Variants in DOCK9 observed in about 807,000 individuals in gnomAD.
The protein encoded by DOCK9 is dedicator of cytokinesis protein 9.
Under a neutral mutation model 263.3 loss-of-function variants are expected in DOCK9, and 89 were observed. That is an observed-to-expected ratio of 0.34 (90% CI 0.28 to 0.40). The LOEUF (loss-of-function observed/expected upper bound fraction) is 0.40. DOCK9 is among the 10% of genes least tolerant of loss of function. The probability of loss-of-function intolerance (pLI) is 1.00; values close to 1 mark genes in which losing one functional copy is unlikely to be tolerated. For synonymous variants in DOCK9, 976 were observed against 973.1 expected, an observed-to-expected ratio of 1.00 and a Z score of -0.06; for missense variants, 2,140 against 2,603.4, an observed-to-expected ratio of 0.82 and a Z score of 3.87.
chr13:98,974,802 A>AAAAAGAAAT (rs1229016122), intron 1 of DOCK9, among the ~76,000 whole-genome samples: 1 of 151,826 alleles, frequency 6.6e-6, no homozygotes. Context: ...AAAAAGAAAG[A>AAAAAGAAAT]AAAAGAAATA....
At chr13:99,007,977 T>C (rs994996336) in intron 1 of DOCK9, among the ~76,000 whole-genome samples, 1 of 152,118 alleles carries the variant, frequency 6.6e-6, no homozygotes, top group East Asian at 1.9e-4. Context: ...ACTCCAGATC[T>C]GGAAATCTGC....
chr13:98,954,177 C>T (rs796731900), intron 2 of DOCK9, among the ~76,000 whole-genome samples: 6 of 152,158 alleles, frequency 3.9e-5, no homozygotes, highest in African/African-American at 1.4e-4. Flanking sequence ...CAATATTTCC[C>T]TCTCATTTAT....
In DOCK9 at chr13:99,023,669, G is replaced by T. The variant is rs561395222; in HGVS notation, c.129+62554C>A. 1.6e-4 allele frequency among the ~76,000 whole-genome samples: 25 copies of T among 152,244 alleles called. 1 individual carries two copies. The South Asian group carries it at 4.8e-3, about 29-fold the overall frequency. On this transcript the variant is annotated intron_variant, in intron 1 of 32. Transcript: ENST00000427887. ...TATCTTTCCATATTTTTTAAAAATA[G>T]AAAACCAACTTGTTGGGCATTGTTT... is the stretch of plus-strand genomic sequence containing the variant.
rs532708724 is a variant in DOCK9 at position 98,859,462 on chromosome 13, C to T, written c.3697+943G>A. 4.6e-5 allele frequency: 7 copies of T among 151,934 alleles called. No individual in the cohort carries two copies. The East Asian group carries it at 1.4e-3, about 29-fold the overall frequency. The allele number at this position is 151,934 out of a possible 1,614,324, so 9.4% of individuals were successfully genotyped here. On this transcript the variant is annotated intron_variant, in intron 33 of 52. Coordinates refer to ENST00000682017, the MANE Select transcript of DOCK9 (RefSeq NM_001366683.2). ...TGGGGTTTCTCATGTTAAATTCTAC[C>T]CAGTTTCATCCCCTACATGAAATGG...
intron 2 of DOCK9, chr13:98,950,068 AGGCTCTTT>A (rs1170932624): frequency 2.4e-5 from 11 of 461,676 alleles, no homozygotes; most frequent in Non-Finnish European, 4.5e-5. Flanking sequence ...GCAACATTTT[AGGCTCTTT>A]GGGGTGACTT....
At chr13:98,968,318 C>G (rs2059398169) in intron 1 of DOCK9, among the ~76,000 whole-genome samples, 1 of 151,880 alleles carries the variant, frequency 6.6e-6, no homozygotes, top group Admixed American at 6.6e-5. Flanking sequence ...TTTAACTTGG[C>G]TACTAGAAAA....
chr13:98,995,466 G>C (rs1046152968), intron 1 of DOCK9, among the ~76,000 whole-genome samples: 3 of 149,200 alleles, frequency 2.0e-5, no homozygotes, highest in African/African-American at 7.4e-5. Context: ...GGTTAAATAA[G>C]CCTCCTTTGA....
intron 2 of DOCK9, among the ~76,000 whole-genome samples, 161 bp downstream of exon 2, chr13:98,955,274 G>C (rs1476670678): frequency 1.3e-5 from 2 of 151,932 alleles, no homozygotes; most frequent in African/African-American, 4.8e-5. Context: ...AGCCAAGATG[G>C]CACCACTGCA....
intron 2 of DOCK9, among the ~76,000 whole-genome samples, chr13:98,945,481 C>A (rs1300576346): frequency 1.3e-5 from 2 of 152,104 alleles, no homozygotes; most frequent in African/African-American, 4.8e-5. Flanking sequence ...CTCTTTCCTC[C>A]TCTGGGCCCT....
Position 98,797,270 on chromosome 13 carries a change from G to A in DOCK9, c.6018-17C>T, listed in dbSNP as rs561506492. ...ACAAATTGCCTGGAATGGTACAGGC[G>A]GGAGAAACAAAGGCACGCAGAGGAT... On this transcript the variant is annotated splice_polypyrimidine_tract_variant and intron_variant, in intron 51 of 52. Transcript: ENST00000682017. 1.8e-5 allele frequency: 29 copies of A among 1,613,634 alleles called. No homozygotes were observed. Among genetic ancestry groups the A allele is most frequent in the East Asian group, 4.5e-5 (2 of 44,882 alleles).
At chr13:98,914,555 C>T (rs1040354147) in intron 8 of DOCK9, among the ~76,000 whole-genome samples, 160 bp from the exon 9 acceptor site, 3 of 152,166 alleles carry the variant, frequency 2.0e-5, no homozygotes, top group Admixed American at 6.5e-5. Context: ...TGAAAAAATA[C>T]TGATCCACAG....
At chr13:98,904,880 G>C (rs1434679605) in intron 9 of DOCK9, among the ~76,000 whole-genome samples, 174 bp from the exon 10 acceptor site, 3 of 152,206 alleles carry the variant, frequency 2.0e-5, no homozygotes, top group African/African-American at 7.2e-5. Flanking sequence ...GAAAGCACTA[G>C]GAGGAAAAAG....
chr13:98,840,608 G>A lies in DOCK9; in HGVS notation c.4199-2999C>T, dbSNP rs76043604. On this transcript the variant is annotated intron_variant, in intron 38 of 52. Coordinates refer to ENST00000682017, the MANE Select transcript of DOCK9 (RefSeq NM_001366683.2). ...TACCTGCATAGTTCAAATGAATAATGCTGACACATCGGCGAACCTCCTCCC... is the reference window on the plus strand; with the variant it reads ...TACCTGCATAGTTCAAATGAATAATACTGACACATCGGCGAACCTCCTCCC... Among the ~76,000 whole-genome samples the A allele has an allele frequency of 8.3e-3, 1,258 of 152,248 alleles. 10 individuals carry two copies. Among genetic ancestry groups the A allele is most frequent in the African/African-American group, 0.028 (1,168 of 41,532 alleles).
chr13:98,943,082 G>A (rs1331959006), intron 2 of DOCK9, among the ~76,000 whole-genome samples: 1 of 152,218 alleles, frequency 6.6e-6, no homozygotes, highest in Non-Finnish European at 1.5e-5. Flanking sequence ...TATGCACTGA[G>A]TATAATTTCA....
intron 25 of DOCK9, among the ~76,000 whole-genome samples, chr13:98,881,043 T>A (rs2044670505): frequency 6.6e-6 from 1 of 152,224 alleles, no homozygotes; most frequent in Admixed American, 6.5e-5. Context: ...GTAAACAGAA[T>A]ATGTGCATCT....
At chr13:98,922,919 AAAAGCAATCATT>A (rs2052298109) in intron 5 of DOCK9, among the ~76,000 whole-genome samples, 1 of 152,226 alleles carries the variant, frequency 6.6e-6, no homozygotes, top group African/African-American at 2.4e-5. Context: ...AGACTTCACT[AAAAGCAATCATT>A]GAAGAAATAG....
intron 1 of DOCK9, among the ~76,000 whole-genome samples, chr13:99,020,925 T>C (rs188128297): frequency 2.0e-4 from 31 of 152,348 alleles, no homozygotes; most frequent in South Asian, 4.1e-4. Context: ...GGAGGACAGA[T>C]AGAATTCAGT....
chr13:99,062,612 C>T (rs1178879164), intron 1 of DOCK9, among the ~76,000 whole-genome samples: 1 of 152,188 alleles, frequency 6.6e-6, no homozygotes, highest in African/African-American at 2.4e-5. Flanking sequence ...CATTCGCTCC[C>T]GCAAGCCTTC....
chr13:98,902,522 C>T (rs2139476803), intron 11 of DOCK9, 31 bp from the exon 12 acceptor site: 1 of 1,598,100 alleles, frequency 6.3e-7, no homozygotes, highest in Non-Finnish European at 8.6e-7. Flanking sequence ...CAATGATCAC[C>T]ATGGCTCAAA....
Sources: allele counts gnomAD v4.1 joint callset (sites outside exome capture counted in the v4.1 genomes callset), GRCh38; gene constraint gnomAD v4.1.1; transcripts MANE v1.5; gene names NCBI Gene and HGNC (gene_info 2026-07-23, HGNC 2026-07-21).